Variants in ITGA6 observed in about 807,000 individuals in gnomAD.
ITGA6 encodes integrin alpha-6.
Under a neutral mutation model 133.6 loss-of-function variants are expected in ITGA6, and 63 were observed. That is an observed-to-expected ratio of 0.47 (90% CI 0.38 to 0.58). The LOEUF (loss-of-function observed/expected upper bound fraction) is 0.58. ITGA6 is among the 20% of genes least tolerant of loss of function. The pLI is 0.00. For synonymous variants in ITGA6, 434 were observed against 482.0 expected (o/e 0.90, Z 1.30); for missense variants, 1,068 against 1,309.4 (o/e 0.82, Z 2.85).
intron 1 of ITGA6, among the ~76,000 whole-genome samples, chr2:172,439,352 T>G (rs1421664816): frequency 6.6e-6 from 1 of 151,872 alleles, no homozygotes; most frequent in East Asian, 1.9e-4. Flanking sequence ...AATCAGCACT[T>G]TGGGTTCTAA....
chr2:172,483,252 G>T (rs921389884), intron 11 of ITGA6, among the ~76,000 whole-genome samples: 5 of 152,098 alleles, frequency 3.3e-5, no homozygotes, highest in Non-Finnish European at 7.4e-5. Flanking sequence ...TGACTCCTGC[G>T]GTGGTTAGGA....
chr2:172,504,084 T>G lies in ITGA6; in HGVS notation c.*23-7T>G. On this transcript the variant is annotated splice_polypyrimidine_tract_variant and splice_region_variant and intron_variant, in intron 25 of 25. Coordinates refer to ENST00000684293, the MANE Select transcript of ITGA6 (RefSeq NM_000210.4). Reference sequence around the variant, plus strand: ...TTTGTTTCTCTTTCTCTTTCCCTCTTCTCTAGTGTGGATTCTTTAAACGCT... The same window carrying G: ...TTTGTTTCTCTTTCTCTTTCCCTCTGCTCTAGTGTGGATTCTTTAAACGCT... 1.3e-6 allele frequency: 2 copies of G among 1,568,826 alleles called. No homozygotes were observed. The highest frequency in any genetic ancestry group is 1.7e-6 in the Non-Finnish European group (2 of 1,158,636).
intron 1 of ITGA6, among the ~76,000 whole-genome samples, chr2:172,442,429 A>T (rs780687698): frequency 3.3e-5 from 5 of 152,170 alleles, no homozygotes; most frequent in Non-Finnish European, 5.9e-5. Context: ...TTCTGAAAGG[A>T]GGATAGACGA....
At chr2:172,460,848 G>A (rs1685401275) in intron 1 of ITGA6, among the ~76,000 whole-genome samples, 1 of 152,194 alleles carries the variant, frequency 6.6e-6, no homozygotes, top group African/African-American at 2.4e-5. Context: ...TGTTCTAATG[G>A]TGCAATATTT....
At chr2:172,492,550 A>C (rs1686967729) in intron 23 of ITGA6, among the ~76,000 whole-genome samples, 1 of 152,188 alleles carries the variant, frequency 6.6e-6, no homozygotes, top group South Asian at 2.1e-4. Flanking sequence ...CATGTTCTCT[A>C]TGTCTTCATC....
At chr2:172,446,360 C>T (rs919328911) in intron 1 of ITGA6, among the ~76,000 whole-genome samples, 1 of 151,864 alleles carries the variant, frequency 6.6e-6, no homozygotes, top group Non-Finnish European at 1.5e-5. Flanking sequence ...GGTTTTAAGA[C>T]ATGAATCTTA....
chr2:172,475,613 T>G lies in ITGA6; in HGVS notation c.1197T>G (p.Ala399=), dbSNP rs766634490. 1.1e-5 allele frequency: 17 copies of G among 1,599,124 alleles called. No individual in the cohort carries two copies. In the South Asian group the frequency reaches 1.9e-4, roughly 18 times the overall value. The part of the protein sequence containing the change: ...QDGYPDIAVG[A]PYDDLGKVFI... ...TGTCAACAGATATTGCAGTTGGAGC[T>G]CCGTATGATGACTTGGGAAAGGTTT... Residue 399 remains alanine (A), a synonymous_variant, in exon 8 of 26, where the codon GCT becomes GCG. Transcript: ENST00000684293.
intron 1 of ITGA6, among the ~76,000 whole-genome samples, chr2:172,429,393 T>G (rs533253512): frequency 6.6e-6 from 1 of 152,306 alleles, no homozygotes; most frequent in African/African-American, 2.4e-5. Context: ...ACTTGGTGTG[T>G]AGAATTTGAG....
intron 1 of ITGA6, among the ~76,000 whole-genome samples, chr2:172,462,155 G>A (rs192028361): frequency 2.6e-5 from 4 of 152,286 alleles, no homozygotes; most frequent in East Asian, 1.9e-4. Context: ...CTTACCTTTC[G>A]GTGATGGGTT....
intron 1 of ITGA6, among the ~76,000 whole-genome samples, chr2:172,445,662 A>AAAAG (rs1283853621): frequency 1.3e-5 from 2 of 151,534 alleles, no homozygotes; most frequent in South Asian, 2.1e-4. Flanking sequence ...TAAAAAAAAA[A>AAAAG]AAAAGAAAAA....
chr2:172,469,835 G>A (rs1685842863), intron 4 of ITGA6, among the ~76,000 whole-genome samples: 1 of 152,168 alleles, frequency 6.6e-6, no homozygotes, highest in South Asian at 2.1e-4. Flanking sequence ...CAAAGGCCAT[G>A]CTTTGCTAAT....
intron 24 of ITGA6, among the ~76,000 whole-genome samples, chr2:172,499,139 G>A (rs1292603893): frequency 6.6e-6 from 1 of 152,090 alleles, no homozygotes; most frequent in Admixed American, 6.5e-5. Flanking sequence ...AGTCTTACTT[G>A]CAAATATTGA....
chr2:172,486,371 G>A (rs974501400), intron 13 of ITGA6, among the ~76,000 whole-genome samples: 1 of 151,890 alleles, frequency 6.6e-6, no homozygotes, highest in Admixed American at 6.6e-5. Flanking sequence ...ATACTTTTAT[G>A]TACTTTTATT....
chr2:172,478,090 A>G (rs531985319), intron 9 of ITGA6, among the ~76,000 whole-genome samples: 16 of 152,232 alleles, frequency 1.1e-4, no homozygotes, highest in Admixed American at 2.0e-4. Flanking sequence ...GTAAAATACT[A>G]TATCTGTGGC....
rs190444302 is a variant in ITGA6, at chr2:172,487,102, G to A, written c.1934G>A (p.Arg645Gln). 15 of 1,611,790 alleles carry A rather than the reference G, an allele frequency of 9.3e-6. No individual in the cohort carries two copies. Among genetic ancestry groups the A allele is most frequent in the African/African-American group, 8.0e-5 (6 of 75,002 alleles). ...NLKLEYKFCTREGNQDKFSYL... is the reference protein window; with the variant it reads ...NLKLEYKFCTQEGNQDKFSYL... Reference sequence around the variant, plus strand: ...AAACTAGAATATAAATTTTGCACCCGAGAAGGAAATCAAGACAAATTTTCT... The same window carrying A: ...AAACTAGAATATAAATTTTGCACCCAAGAAGGAAATCAAGACAAATTTTCT... The change falls in exon 14 of 26, where the codon CGA becomes CAA. Residue 645 changes from arginine (R) to glutamine (Q), a missense_variant. Arg to Gln is a conservative substitution (Grantham distance 43). Transcript: ENST00000684293.
Position 172,469,446 on chromosome 2 carries a change from AT to A in ITGA6, c.643+70del. On this transcript the variant is annotated intron_variant, in intron 4 of 25. Coordinates refer to ENST00000684293, the MANE Select transcript of ITGA6 (RefSeq NM_000210.4). ...TAATTTCTGTAATATGATTTAGTACATTTTGAGCTAAAATGTGTTAGAAGAC... is the reference window on the plus strand; with the variant it reads ...TAATTTCTGTAATATGATTTAGTACATTTGAGCTAAAATGTGTTAGAAGAC... 3 of 756,724 alleles carry A rather than the reference AT, an allele frequency of 4.0e-6. No homozygotes were observed. The East Asian group carries it at 4.3e-4, about 109-fold the overall frequency. 46.9% of individuals were successfully genotyped at this position (756,724 alleles called of 1,614,324 possible).
intron 18 of ITGA6, 29 bp from the exon 19 acceptor site, chr2:172,488,097 A>G (rs1393161072): frequency 6.2e-7 from 1 of 1,610,162 alleles, no homozygotes; most frequent in South Asian, 1.1e-5. Flanking sequence ...TACAATCCTC[A>G]TTAAAACTGG....
chr2:172,453,537 T>C (rs1263737806), intron 1 of ITGA6, among the ~76,000 whole-genome samples: 2 of 152,054 alleles, frequency 1.3e-5, no homozygotes, highest in African/African-American at 4.8e-5. Flanking sequence ...AAAATCACAG[T>C]ATACATGGAA....
intron 11 of ITGA6, among the ~76,000 whole-genome samples, chr2:172,480,518 A>C (rs1350455763): frequency 6.6e-6 from 1 of 151,926 alleles, no homozygotes; most frequent in African/African-American, 2.4e-5. Context: ...CTCCCGGAAC[A>C]CCCGCCCTGT....
Sources: allele counts gnomAD v4.1 joint callset (sites outside exome capture counted in the v4.1 genomes callset), GRCh38; gene constraint gnomAD v4.1.1; transcripts MANE v1.5; gene names NCBI Gene and HGNC (gene_info 2026-07-23, HGNC 2026-07-21).